The following OPCML variants were observed in gnomAD, a reference collection of about 807,000 sequenced individuals.
The protein encoded by OPCML is opioid-binding protein/cell adhesion molecule.
In OPCML, 13 loss-of-function variants were observed where a neutral mutation model predicts 37.8. That is an observed-to-expected ratio of 0.34 (90% confidence interval 0.22 to 0.55). OPCML has a LOEUF of 0.55. Ranked by LOEUF, OPCML falls within the 20% of genes least tolerant of loss-of-function variation. The pLI, the probability that OPCML is intolerant of heterozygous loss-of-function variation, is 0.91. For missense variants in OPCML, 341 were observed against 435.6 expected (o/e 0.78, Z 1.93); for synonymous variants, 176 against 168.8 (o/e 1.04, Z -0.33).
chr11:132,483,767 T>C (rs1213149394), intron 4 of OPCML, among the ~76,000 whole-genome samples: 1 of 151,534 alleles, frequency 6.6e-6, no homozygotes, highest in Admixed American at 6.6e-5. Flanking sequence ...ATGCCACATA[T>C]CTACAACTAT....
At chr11:133,185,555 C>A (rs967192176) in intron 1 of OPCML, among the ~76,000 whole-genome samples, 5 of 152,094 alleles carry the variant, frequency 3.3e-5, no homozygotes, top group Admixed American at 2.6e-4. Flanking sequence ...AACACTTGAG[C>A]ATAGGGAATA....
At chr11:133,109,337 G>C (rs961082795) in intron 1 of OPCML, among the ~76,000 whole-genome samples, 4 of 152,160 alleles carry the variant, frequency 2.6e-5, no homozygotes, top group Non-Finnish European at 5.9e-5. Context: ...GACTGAGTGG[G>C]TTACCGCTGC....
At chr11:133,372,873 G>T (rs1039856527) in intron 1 of OPCML, among the ~76,000 whole-genome samples, 1 of 152,106 alleles carries the variant, frequency 6.6e-6, no homozygotes, top group Non-Finnish European at 1.5e-5. Flanking sequence ...ATAATTGTTT[G>T]CATAGATCTG....
chr11:132,980,513 A>G (rs1425647345), intron 1 of OPCML, among the ~76,000 whole-genome samples: 2 of 152,234 alleles, frequency 1.3e-5, no homozygotes, highest in Non-Finnish European at 2.9e-5. Context: ...TTATTTTCTT[A>G]AAAAACATAG....
chr11:132,496,003 G>A (rs1018785204), intron 4 of OPCML, among the ~76,000 whole-genome samples: 1 of 152,084 alleles, frequency 6.6e-6, no homozygotes, highest in Non-Finnish European at 1.5e-5. Flanking sequence ...GCTAGAAGTA[G>A]CATCATAAAA....
At chr11:132,975,811 C>T (rs757974464) in intron 1 of OPCML, among the ~76,000 whole-genome samples, 21 of 152,174 alleles carry the variant, frequency 1.4e-4, no homozygotes, top group Non-Finnish European at 1.9e-4. Context: ...CGCTCTGTCT[C>T]CCAGGCTGGA....
intron 3 of OPCML, among the ~76,000 whole-genome samples, chr11:132,599,209 C>A (rs1937656266): frequency 6.6e-6 from 1 of 152,110 alleles, no homozygotes; most frequent in African/African-American, 2.4e-5. Flanking sequence ...TCGCTTGAAC[C>A]CGGGAGGTGG....
chr11:133,503,509 AGAGT>A (rs1311325890), intron 1 of OPCML, among the ~76,000 whole-genome samples: 1 of 152,244 alleles, frequency 6.6e-6, no homozygotes, highest in Non-Finnish European at 1.5e-5. Flanking sequence ...ATTGCTCTAC[AGAGT>A]GTGTGCAACT....
chr11:132,817,205 T>C (rs1211460527), intron 2 of OPCML: 2 of 152,198 alleles, frequency 1.3e-5, no homozygotes, highest in East Asian at 3.9e-4. Flanking sequence ...AAAGAAAAAA[T>C]ATCATGTCAT....
At chr11:133,433,175 C>A (rs1946160012) in intron 1 of OPCML, among the ~76,000 whole-genome samples, 1 of 148,950 alleles carries the variant, frequency 6.7e-6, no homozygotes, top group East Asian at 1.9e-4. Context: ...TGGCGTGAAC[C>A]CGGGAGGCGG....
chr11:132,717,020 A>C (rs1163237103), intron 2 of OPCML, among the ~76,000 whole-genome samples: 1 of 152,202 alleles, frequency 6.6e-6, no homozygotes, highest in East Asian at 1.9e-4. Flanking sequence ...CAAATAACTA[A>C]AAATTTAAAC....
chr11:133,272,600 G>A (rs1417356427), intron 1 of OPCML, among the ~76,000 whole-genome samples: 1 of 152,202 alleles, frequency 6.6e-6, no homozygotes, highest in African/African-American at 2.4e-5. Context: ...GACGCTCGGG[G>A]CAGGGTATGA....
At chr11:133,274,494 A>C (rs1941937990) in intron 1 of OPCML, among the ~76,000 whole-genome samples, 1 of 152,198 alleles carries the variant, frequency 6.6e-6, no homozygotes, top group Non-Finnish European at 1.5e-5. Context: ...GGAAGAGTCA[A>C]AGAGGGGTTC....
In OPCML at chr11:132,417,136, A is replaced by C. The variant is rs1351176389; in HGVS notation, c.*3057T>G. ...GCCTTGCCCCCACCCCATGCCCACT[A>C]CTGGCACCCTGAACAAATCTAGCCT... On this transcript the variant is annotated 3_prime_UTR_variant, in exon 8 of 8. Transcript: ENST00000524381. 2 of 152,426 alleles carry C rather than the reference A, an allele frequency of 1.3e-5. No individual in the cohort carries two copies. Among genetic ancestry groups the C allele is most frequent in the Non-Finnish European group, 2.9e-5 (2 of 68,030 alleles). 9.4% of individuals were successfully genotyped at this position (152,426 alleles called of 1,614,324 possible).
At chr11:132,453,423 C>T (rs1215192157) in intron 4 of OPCML, among the ~76,000 whole-genome samples, 1 of 152,198 alleles carries the variant, frequency 6.6e-6, no homozygotes, top group Admixed American at 6.5e-5. Context: ...ACTACAAAGA[C>T]CATCCATTTC....
intron 1 of OPCML, among the ~76,000 whole-genome samples, chr11:133,388,292 C>T (rs551957835): frequency 1.3e-5 from 2 of 152,270 alleles, no homozygotes; most frequent in African/African-American, 4.8e-5. Flanking sequence ...CTATTGGGTA[C>T]TTTGAATGTC....
chr11:132,851,705 A>C (rs986116913), intron 2 of OPCML, among the ~76,000 whole-genome samples: 1 of 152,334 alleles, frequency 6.6e-6, no homozygotes, highest in South Asian at 2.1e-4. Context: ...TCAAAAATCT[A>C]TATGTGGGTA....
chr11:132,695,087 T>A lies in OPCML; in HGVS notation c.147-37768A>T, dbSNP rs142191003. ...ACTTGCAGCCAAATACAACCTCAGC[T>A]GATGCAATGCTTCCGTGCCCTTGAG... On this transcript the variant is annotated intron_variant, in intron 2 of 7. Coordinates refer to ENST00000524381, the MANE Select transcript of OPCML (RefSeq NM_001012393.5). 6.0e-3 allele frequency among the ~76,000 whole-genome samples: 915 copies of A among 152,302 alleles called. 11 individuals are homozygous for A. The highest frequency in any genetic ancestry group is 0.021 in the African/African-American group (875 of 41,566).
At chr11:133,189,229 C>T (rs1302811244) in intron 1 of OPCML, among the ~76,000 whole-genome samples, 1 of 151,974 alleles carries the variant, frequency 6.6e-6, no homozygotes, top group African/African-American at 2.4e-5. Flanking sequence ...AAATCAGAAC[C>T]TGGATAAAGA....
Sources: gnomAD v4.1 joint callset for allele counts (sites outside exome capture counted in the v4.1 genomes callset) on GRCh38, gnomAD v4.1.1 for gene constraint, MANE v1.5 for transcripts, NCBI Gene and HGNC (gene_info 2026-07-23, HGNC 2026-07-21) for gene names.